RNF150: variants seen among roughly 807,000 people sequenced by gnomAD.
RNF150 encodes the protein ring finger protein 150.
In RNF150, 24 loss-of-function variants were observed where a neutral mutation model predicts 39.3. The observed-to-expected ratio is 0.61, with a 90% confidence interval of 0.44 to 0.86. The LOEUF (loss-of-function observed/expected upper bound fraction) is 0.86, where lower values mean the gene tolerates loss of function less well. Ranked by LOEUF, RNF150 falls within the 40% of genes least tolerant of loss-of-function variation. The probability of loss-of-function intolerance (pLI) is 0.00; values close to 1 mark genes in which losing one functional copy is unlikely to be tolerated. For synonymous variants in RNF150, 255 were observed against 227.3 expected, an observed-to-expected ratio of 1.12 and a Z score of -1.10; for missense variants, 502 against 587.8, an observed-to-expected ratio of 0.85 and a Z score of 1.51.
At position 140,954,424 on chromosome 4, in the gene RNF150, T is replaced by C. The variant is rs539079986; in HGVS notation, c.736-5052A>G. On this transcript the variant is annotated intron_variant, in intron 2 of 6. Transcript: ENST00000515673. ...GAGATGGGGTTTCACCATGTAGGTC[T>C]TGAATTCCTGATCTCAAGTGATCTG... Among the ~76,000 whole-genome samples, 10 of 152,210 alleles carry C rather than the reference T, an allele frequency of 6.6e-5. No individual in the cohort carries two copies. The South Asian group carries it at 2.1e-3, about 32-fold the overall frequency.
chr4:141,036,465 G>C (rs567150231), intron 1 of RNF150, among the ~76,000 whole-genome samples: 1 of 152,130 alleles, frequency 6.6e-6, no homozygotes, highest in South Asian at 2.1e-4. Context: ...TATACATCCT[G>C]TTGTGCAGTA....
chr4:141,068,540 G>A (rs969967038), intron 1 of RNF150, among the ~76,000 whole-genome samples: 51 of 151,922 alleles, frequency 3.4e-4, no homozygotes, highest in South Asian at 1.0e-3. Context: ...ATGGTGATGC[G>A]GGCTCTTTTT....
intron 2 of RNF150, among the ~76,000 whole-genome samples, chr4:140,965,107 G>A (rs1343065421): frequency 1.3e-5 from 2 of 151,968 alleles, no homozygotes; most frequent in African/African-American, 2.4e-5. Flanking sequence ...AAAAGTAGAG[G>A]GTGAAAACAT....
At chr4:140,985,445 T>TAA (rs1293702931) in intron 1 of RNF150, among the ~76,000 whole-genome samples, 5 of 152,134 alleles carry the variant, frequency 3.3e-5, no homozygotes, top group Non-Finnish European at 5.9e-5. Flanking sequence ...ATTTTGGGTA[T>TAA]TAAAGAGAGA....
chr4:141,010,274 T>C (rs1026385916), intron 1 of RNF150, among the ~76,000 whole-genome samples: 2 of 152,236 alleles, frequency 1.3e-5, no homozygotes, highest in African/African-American at 4.8e-5. Flanking sequence ...ATTAAGATCC[T>C]TACATTTTTT....
chr4:140,863,770 TG>T lies in RNF150; in HGVS notation c.*4490del, dbSNP rs1728585648. 6.6e-6 allele frequency: 1 copy of T among 152,206 alleles called. No homozygotes were observed. Among genetic ancestry groups the T allele is most frequent in the Non-Finnish European group, 1.5e-5 (1 of 68,034 alleles). 9.4% of individuals were successfully genotyped at this position (152,206 alleles called of 1,614,324 possible). A position where few individuals can be genotyped will look rare whatever the true frequency, so the allele number is the denominator to read the frequency against. On this transcript the variant is annotated 3_prime_UTR_variant, in exon 7 of 7. Transcript: ENST00000515673. The stretch of plus-strand genomic sequence containing the variant: ...CTGTGGCCTTAGTACCAGAAAAGAC[TG>T]GGCTCTCGCTCCACAGAGGGAGTGA...
chr4:141,033,559 G>T (rs917711779), intron 1 of RNF150, among the ~76,000 whole-genome samples: 3 of 152,126 alleles, frequency 2.0e-5, no homozygotes, highest in African/African-American at 4.8e-5. Flanking sequence ...CTTTCCAGAA[G>T]TTTTTCAATT....
chr4:141,179,504 C>T (rs1727868705), intron 1 of RNF150, among the ~76,000 whole-genome samples: 1 of 152,214 alleles, frequency 6.6e-6, no homozygotes, highest in Admixed American at 6.5e-5. Flanking sequence ...CTTTGCACTG[C>T]TAGGACAGTG....
At chr4:141,043,357 G>C (rs909778508) in intron 1 of RNF150, among the ~76,000 whole-genome samples, 4 of 152,026 alleles carry the variant, frequency 2.6e-5, no homozygotes, top group African/African-American at 9.7e-5. Flanking sequence ...AACACAGAAG[G>C]GTTTCTGGAA....
chr4:140,874,732 C>T (rs62344966), intron 6 of RNF150, among the ~76,000 whole-genome samples: 1 of 152,128 alleles, frequency 6.6e-6, no homozygotes, highest in East Asian at 1.9e-4. Flanking sequence ...CTGCCTCAGC[C>T]TCCTGAATAG....
chr4:141,078,777 G>A (rs558541349), intron 1 of RNF150, among the ~76,000 whole-genome samples: 8,816 of 108,564 alleles, frequency 0.081, 459 homozygotes, highest in African/African-American at 0.18. Flanking sequence ...GCGACAGAGC[G>A]AAACTCCGTC....
At chr4:141,210,120 T>A (rs1208273964) in intron 1 of RNF150, among the ~76,000 whole-genome samples, 1 of 152,120 alleles carries the variant, frequency 6.6e-6, no homozygotes, top group Non-Finnish European at 1.5e-5. Flanking sequence ...TGAATCACAT[T>A]TGTAGGTTTT....
At chr4:141,158,082 G>A (rs1377946016) in intron 1 of RNF150, among the ~76,000 whole-genome samples, 3 of 152,128 alleles carry the variant, frequency 2.0e-5, no homozygotes, top group Admixed American at 2.0e-4. Flanking sequence ...CACGAGGTCA[G>A]GAGTTCAAGA....
At chr4:141,042,295 C>A (rs955415042) in intron 1 of RNF150, among the ~76,000 whole-genome samples, 1 of 152,014 alleles carries the variant, frequency 6.6e-6, no homozygotes, top group African/African-American at 2.4e-5. Flanking sequence ...TTAGATTGCT[C>A]AAGACAAATA....
At chr4:140,879,964 CT>C (rs1279800247) in intron 6 of RNF150, among the ~76,000 whole-genome samples, 1 of 152,132 alleles carries the variant, frequency 6.6e-6, no homozygotes, top group Non-Finnish European at 1.5e-5. Flanking sequence ...TTATTTCCTC[CT>C]TTCCAAATTG....
chr4:141,189,933 G>T (rs1728075551), intron 1 of RNF150, among the ~76,000 whole-genome samples: 1 of 152,182 alleles, frequency 6.6e-6, no homozygotes, highest in Non-Finnish European at 1.5e-5. Context: ...GGTTCCAGGT[G>T]CCACTGGGGT....
At chr4:141,096,023 T>C (rs62324869) in intron 1 of RNF150, among the ~76,000 whole-genome samples, 3,783 of 152,202 alleles carry the variant, frequency 0.025, 75 homozygotes, top group Middle Eastern at 0.12. Context: ...TAACAGCAGT[T>C]ACCTACTTCT....
intron 1 of RNF150, among the ~76,000 whole-genome samples, chr4:140,990,335 ACTTT>A (rs759417766): frequency 1.3e-3 from 191 of 152,146 alleles, no homozygotes; most frequent in Non-Finnish European, 1.8e-3. Context: ...CACATTAACA[ACTTT>A]CTTTTTTTAA....
rs1337357167 is a variant in RNF150 at position 141,050,362 on chromosome 4, T to C, written c.484+81963A>G. On this transcript the variant is annotated intron_variant, in intron 1 of 6. Coordinates refer to ENST00000515673, the MANE Select transcript of RNF150 (RefSeq NM_020724.2). ...AATCTCATGTCCTCACATTTCAAAA[T>C]GAATCATGCCTTCCCAACAGTCTGC... is the stretch of plus-strand genomic sequence containing the variant. 2.0e-5 allele frequency among the ~76,000 whole-genome samples: 3 copies of C among 152,136 alleles called. No individual in the cohort carries two copies. The East Asian group carries it at 5.8e-4, about 29-fold the overall frequency.
Sources: allele counts gnomAD v4.1 joint callset (sites outside exome capture counted in the v4.1 genomes callset), GRCh38; gene constraint gnomAD v4.1.1; transcripts MANE v1.5; gene names NCBI Gene and HGNC (gene_info 2026-07-23, HGNC 2026-07-21).